The following SPARCL1 variants were observed in gnomAD, a reference collection of about 807,000 sequenced individuals.
The protein encoded by SPARCL1 is SPARC like 1, also known as SPARC-like protein 1.
SPARCL1 carries 52 observed loss-of-function variants against 67.1 expected under a neutral mutation model. That is an observed-to-expected ratio of 0.78 (90% confidence interval 0.62 to 0.98). The LOEUF is 0.98. Among genes scored for constraint, SPARCL1 ranks in the 50% least tolerant of loss-of-function variants. SPARCL1 has a pLI of 0.00. For synonymous variants in SPARCL1, 226 were observed against 267.8 expected (o/e 0.84, Z 1.52); for missense variants, 717 against 782.4 (o/e 0.92, Z 1.00).
rs559708789 is a variant in SPARCL1 at position 87,504,555 on chromosome 4, G to T, written c.-11-4970C>A. ...GAAGAACAGGCCTAGAAAGCCTACA[G>T]TGTGACATGCTGGAGATCACTGAGC... On this transcript the variant is annotated intron_variant, in intron 1 of 10. Coordinates refer to ENST00000282470, the MANE Select transcript of SPARCL1 (RefSeq NM_004684.6). Among the ~76,000 whole-genome samples the T allele has an allele frequency of 2.6e-5, 4 of 152,304 alleles. No homozygotes were observed. In the South Asian group the frequency reaches 8.3e-4, roughly 32 times the overall value.
At position 87,480,466 on chromosome 4, in the gene SPARCL1, C is replaced by G. The variant is rs1723770892; in HGVS notation, c.1723G>C (p.Asp575His). The change falls in exon 9 of 11, where the codon GAT becomes CAT. Residue 575 changes from aspartate (D) to histidine (H), a missense_variant. Asp to His is a moderately conservative substitution (Grantham distance 81, BLOSUM62 -1). Coordinates refer to ENST00000282470, the MANE Select transcript of SPARCL1 (RefSeq NM_004684.6). ...KRLLAGDHPI[D>H]LLLRDFKKNY... ...TTCTTAAAGTCCCTTAAGAGAAGAT[C>G]AATGGGATGGTCCCCAGCCAAAAGC... is the stretch of plus-strand genomic sequence containing the variant. The G allele has an allele frequency of 1.9e-6, 3 of 1,612,784 alleles. No homozygotes were observed. Among genetic ancestry groups the G allele is most frequent in the Non-Finnish European group, 8.5e-7 (1 of 1,179,430 alleles).
intron 1 of SPARCL1, among the ~76,000 whole-genome samples, chr4:87,517,337 T>G (rs1392048676): frequency 6.6e-6 from 1 of 152,192 alleles, no homozygotes; most frequent in Admixed American, 6.5e-5. Context: ...CAAACATATG[T>G]ATAAACTCTT....
chr4:87,517,335 T>C (rs1021123178), intron 1 of SPARCL1, among the ~76,000 whole-genome samples: 2 of 152,154 alleles, frequency 1.3e-5, no homozygotes, highest in African/African-American at 2.4e-5. Flanking sequence ...TCCAAACATA[T>C]GTATAAACTC....
rs1023580562 is a variant in SPARCL1, at chr4:87,499,001, A to G, written c.54+520T>C. 4.6e-5 allele frequency among the ~76,000 whole-genome samples: 7 copies of G among 151,860 alleles called. No homozygotes were observed. In the East Asian group the frequency reaches 1.4e-3, roughly 29 times the overall value. ...TGATTCTCCTTGCCTCAGCCTCCCGAGTAGCTGGGATTACAGGTGCCCGCC... is the reference window on the plus strand; with the variant it reads ...TGATTCTCCTTGCCTCAGCCTCCCGGGTAGCTGGGATTACAGGTGCCCGCC... On this transcript the variant is annotated intron_variant, in intron 2 of 10. Transcript: ENST00000282470.
Position 87,473,788 on chromosome 4 carries a change from T to C in SPARCL1, c.1982A>G (p.Asn661Ser). Reference protein sequence around the residue: ...FGIKEEDIDENLLF With the variant: ...FGIKEEDIDESLLF ...TAAAATCTTCGTTCAAAACAAGAGATTTTCATCTATGTCCTCTATAAAAAA... is the reference window on the plus strand; with the variant it reads ...TAAAATCTTCGTTCAAAACAAGAGACTTTCATCTATGTCCTCTATAAAAAA... The change falls in exon 11 of 11, where the codon AAT becomes AGT. Residue 661 changes from asparagine (N) to serine (S), a missense_variant. Physicochemically the swap from Asn to Ser is conservative, Grantham distance 46 (BLOSUM62 1). Transcript: ENST00000282470. 4.3e-6 allele frequency: 7 copies of C among 1,609,210 alleles called. No individual in the cohort carries two copies. Among genetic ancestry groups the C allele is most frequent in the Non-Finnish European group, 5.9e-6 (7 of 1,176,534 alleles).
intron 2 of SPARCL1, among the ~76,000 whole-genome samples, chr4:87,495,375 T>G (rs1490895433): frequency 1.3e-5 from 2 of 152,194 alleles, no homozygotes; most frequent in African/African-American, 4.8e-5. Flanking sequence ...TAAAACAAAA[T>G]GCATTTAAAT....
intron 2 of SPARCL1, among the ~76,000 whole-genome samples, chr4:87,496,161 T>C (rs1724610310): frequency 6.6e-6 from 1 of 152,212 alleles, no homozygotes; most frequent in South Asian, 2.1e-4. Flanking sequence ...ATTTACTTTC[T>C]ATCTGTGGTT....
chr4:87,500,595 A>AT (rs1270168254), intron 1 of SPARCL1, among the ~76,000 whole-genome samples: 1 of 152,128 alleles, frequency 6.6e-6, no homozygotes, highest in Non-Finnish European at 1.5e-5. Context: ...CCTTTAAATT[A>AT]TTTTTTGCAA....
chr4:87,520,605 C>G (rs1429747554), intron 1 of SPARCL1, among the ~76,000 whole-genome samples: 1 of 152,210 alleles, frequency 6.6e-6, no homozygotes, highest in Non-Finnish European at 1.5e-5. Flanking sequence ...AGCATATCCC[C>G]TGCCTGAAGC....
At chr4:87,522,514 C>T (rs1433895749) in intron 1 of SPARCL1, among the ~76,000 whole-genome samples, 8 of 151,900 alleles carry the variant, frequency 5.3e-5, no homozygotes, top group Admixed American at 1.3e-4. Context: ...CCCTTGCTCT[C>T]GGGAGCTGGC....
At chr4:87,501,720 T>G (rs1456855180) in intron 1 of SPARCL1, among the ~76,000 whole-genome samples, 2 of 152,164 alleles carry the variant, frequency 1.3e-5, no homozygotes, top group African/African-American at 2.4e-5. Context: ...ACATTTAGTT[T>G]AGGAACTCAT....
In SPARCL1 at chr4:87,491,694, T is replaced by C. The variant is rs1355407024; in HGVS notation, c.1219-4A>G. 2 of 1,608,978 alleles carry C rather than the reference T, an allele frequency of 1.2e-6. No homozygotes were observed. Among genetic ancestry groups the C allele is most frequent in the South Asian group, 1.1e-5 (1 of 91,010 alleles). On this transcript the variant is annotated splice_region_variant and splice_polypyrimidine_tract_variant and intron_variant, in intron 4 of 10. Coordinates refer to ENST00000282470, the MANE Select transcript of SPARCL1 (RefSeq NM_004684.6). ...ATGAGTTCTCTGCTTTCTTGGCCTT[T>C]AGAATAACAAGAGCAAAAGTTAAAA...
rs768730309 is a variant in SPARCL1 at position 87,479,525 on chromosome 4, T to G, written c.1871A>C (p.Glu624Ala). Reference sequence around the variant, plus strand: ...CTCAAAGAAACGGGTTATGCAGTGTTCCATGGGCACCAGAGATGCTCGCAG... The same window carrying G: ...CTCAAAGAAACGGGTTATGCAGTGTGCCATGGGCACCAGAGATGCTCGCAG... Reference protein sequence around the residue: ...APLRASLVPMEHCITRFFEEC... With the variant: ...APLRASLVPMAHCITRFFEEC... The change falls in exon 10 of 11, where the codon GAA becomes GCA. Residue 624 changes from glutamate (E) to alanine (A), a missense_variant. Transcript: ENST00000282470. 3.7e-6 allele frequency: 6 copies of G among 1,613,986 alleles called. No homozygotes were observed. The Admixed American group carries it at 5.0e-5, about 13-fold the overall frequency.
In SPARCL1 at chr4:87,494,400, G is replaced by GT. The variant is rs1430929583; in HGVS notation, c.399dup (p.Leu134ThrfsTer6). On this transcript the variant is annotated frameshift_variant, in exon 4 of 11. Coordinates refer to ENST00000282470, the MANE Select transcript of SPARCL1 (RefSeq NM_004684.6). LOFTEE classifies it high-confidence loss of function. The stretch of plus-strand genomic sequence containing the variant: ...GCCAAAAAATCAGTGTTCTCTGAGA[G>GT]TTTTTTCTCCTGAGGCTCACTCATA... 3.1e-6 allele frequency: 5 copies of GT among 1,613,970 alleles called. No homozygotes were observed. The highest frequency in any genetic ancestry group is 8.5e-7 in the Non-Finnish European group (1 of 1,179,998).
At chr4:87,479,344 G>A in intron 10 of SPARCL1, 86 bp downstream of exon 10, 1 of 1,385,720 alleles carries the variant, frequency 7.2e-7, no homozygotes, top group Non-Finnish European at 9.9e-7. Context: ...TCGAACATGT[G>A]GCAGGACCTC....
intron 1 of SPARCL1, among the ~76,000 whole-genome samples, chr4:87,503,588 CATT>C (rs1280603678): frequency 4.0e-5 from 6 of 151,852 alleles, no homozygotes; most frequent in Non-Finnish European, 4.4e-5. Flanking sequence ...TTTCCTCTGT[CATT>C]ATCATCATCA....
chr4:87,499,677 G>T, intron 1 of SPARCL1, 92 bp from the exon 2 acceptor site: 1 of 893,112 alleles, frequency 1.1e-6, no homozygotes, highest in Non-Finnish European at 1.8e-6. Flanking sequence ...GCTTGATATT[G>T]TCCTTGGCAT....
chr4:87,491,134 T>C (rs1724309340), intron 5 of SPARCL1, among the ~76,000 whole-genome samples: 1 of 152,178 alleles, frequency 6.6e-6, no homozygotes, highest in South Asian at 2.1e-4. Context: ...GCAGTTTGGA[T>C]TGGAGATGTG....
At chr4:87,502,911 C>G (rs1724909296) in intron 1 of SPARCL1, among the ~76,000 whole-genome samples, 1 of 152,234 alleles carries the variant, frequency 6.6e-6, no homozygotes, top group South Asian at 2.1e-4. Context: ...ACAGATATTA[C>G]AGGGAGATTT....
Sources: gnomAD v4.1 joint callset for allele counts (sites outside exome capture counted in the v4.1 genomes callset) on GRCh38, gnomAD v4.1.1 for gene constraint, MANE v1.5 for transcripts, NCBI Gene and HGNC (gene_info 2026-07-23, HGNC 2026-07-21) for gene names.